The following L3MBTL4 variants were observed in gnomAD, a reference collection of about 807,000 sequenced individuals.
L3MBTL4 encodes the protein lethal(3)malignant brain tumor-like protein 4.
In L3MBTL4, 70 loss-of-function variants were observed where a neutral mutation model predicts 84.5. The ratio of observed to expected loss-of-function variants is 0.83; its 90% CI spans 0.68 to 1.01. The LOEUF (loss-of-function observed/expected upper bound fraction) is 1.01, where lower values mean the gene tolerates loss of function less well. Ranked by LOEUF, L3MBTL4 falls within the 50% of genes least tolerant of loss-of-function variation. The probability of loss-of-function intolerance (pLI) is 0.00; values close to 1 mark genes in which losing one functional copy is unlikely to be tolerated. For synonymous variants in L3MBTL4, 274 were observed against 259.8 expected, an observed-to-expected ratio of 1.05 and a Z score of -0.52; for missense variants, 715 against 754.8, an observed-to-expected ratio of 0.95 and a Z score of 0.62.
At chr18:5,956,640 C>T (rs1032724328) in intron 18 of L3MBTL4, among the ~76,000 whole-genome samples, 7 of 152,146 alleles carry the variant, frequency 4.6e-5, no homozygotes, top group Non-Finnish European at 7.4e-5. Flanking sequence ...TCAATATACA[C>T]GAACTGTTCC....
intron 1 of L3MBTL4, among the ~76,000 whole-genome samples, chr18:6,313,758 C>A (rs1454964073): frequency 6.6e-6 from 1 of 152,074 alleles, no homozygotes; most frequent in Non-Finnish European, 1.5e-5. Flanking sequence ...ATAATCCCTG[C>A]AATTATCTCA....
At chr18:6,104,726 G>C (rs1018726531) in intron 14 of L3MBTL4, among the ~76,000 whole-genome samples, 7 of 152,036 alleles carry the variant, frequency 4.6e-5, no homozygotes, top group Admixed American at 6.5e-5. Context: ...ATCTCATATT[G>C]TTTTTACCAC....
chr18:6,340,560 G>A (rs536415395), intron 1 of L3MBTL4, among the ~76,000 whole-genome samples: 1 of 152,176 alleles, frequency 6.6e-6, no homozygotes, highest in Non-Finnish European at 1.5e-5. Context: ...CATCATCTGG[G>A]GACAGCTGAG....
chr18:6,152,261 T>C (rs1186274011), intron 13 of L3MBTL4, among the ~76,000 whole-genome samples: 1 of 152,174 alleles, frequency 6.6e-6, no homozygotes, highest in Non-Finnish European at 1.5e-5. Flanking sequence ...GAGGGATTGC[T>C]GGATCTCATG....
At chr18:6,170,282 C>T (rs1156908319) in intron 13 of L3MBTL4, among the ~76,000 whole-genome samples, 1 of 152,056 alleles carries the variant, frequency 6.6e-6, no homozygotes, top group African/African-American at 2.4e-5. Context: ...AGACTACAGG[C>T]CACATTCTGA....
intron 1 of L3MBTL4, among the ~76,000 whole-genome samples, chr18:6,329,444 C>A (rs1456347530): frequency 6.6e-6 from 1 of 152,136 alleles, no homozygotes; most frequent in Non-Finnish European, 1.5e-5. Context: ...TGAGCCACCG[C>A]ACCCAGCCTT....
At chr18:6,350,183 C>A (rs767846974) in intron 1 of L3MBTL4, among the ~76,000 whole-genome samples, 1 of 152,094 alleles carries the variant, frequency 6.6e-6, no homozygotes, top group East Asian at 1.9e-4. Flanking sequence ...AAAACCCTCA[C>A]GGCATTGGAT....
At chr18:6,058,170 T>C (rs1489910516) in intron 16 of L3MBTL4, among the ~76,000 whole-genome samples, 1 of 152,236 alleles carries the variant, frequency 6.6e-6, no homozygotes, top group African/African-American at 2.4e-5. Flanking sequence ...TTGGCATTAC[T>C]ATTTATAAGT....
intron 4 of L3MBTL4, among the ~76,000 whole-genome samples, chr18:6,286,475 G>GTAA (rs201737991): frequency 2.7e-5 from 4 of 150,164 alleles, no homozygotes; most frequent in Admixed American, 6.6e-5. Context: ...AATAATAATA[G>GTAA]TAATAATAAT....
intron 1 of L3MBTL4, among the ~76,000 whole-genome samples, chr18:6,362,225 G>A (rs1427664944): frequency 7.3e-6 from 1 of 136,760 alleles, no homozygotes; most frequent in Non-Finnish European, 1.6e-5. Context: ...GGGAGGGGAG[G>A]GGAGGGGACT....
At chr18:6,079,176 A>G (rs1405827852) in intron 16 of L3MBTL4, among the ~76,000 whole-genome samples, 1 of 152,198 alleles carries the variant, frequency 6.6e-6, no homozygotes, top group Non-Finnish European at 1.5e-5. Context: ...CTCCGGACAT[A>G]CAAGGAAGAG....
intron 4 of L3MBTL4, among the ~76,000 whole-genome samples, chr18:6,291,506 A>C (rs2985136): frequency 0.066 from 10,115 of 152,272 alleles, 482 homozygotes; most frequent in Non-Finnish European, 0.1. Flanking sequence ...AGACACACAG[A>C]CTGATGGAAC....
intron 14 of L3MBTL4, among the ~76,000 whole-genome samples, chr18:6,130,757 A>G (rs2059852376): frequency 6.6e-6 from 1 of 152,108 alleles, no homozygotes; most frequent in Non-Finnish European, 1.5e-5. Context: ...TAGTCCCAAT[A>G]TTGTCATCTT....
intron 11 of L3MBTL4, among the ~76,000 whole-genome samples, chr18:6,213,790 A>G (rs2145805268): frequency 6.6e-6 from 1 of 152,340 alleles, no homozygotes; most frequent in East Asian, 1.9e-4. Context: ...GAGAAAAAAT[A>G]ATTTTTTGGC....
intron 12 of L3MBTL4, among the ~76,000 whole-genome samples, chr18:6,196,283 A>G (rs61271287): frequency 0.15 from 22,484 of 150,518 alleles, 3,197 homozygotes; most frequent in African/African-American, 0.37. Context: ...TCAGCCTCCC[A>G]AGTAGCTGGG....
At chr18:5,967,407 C>G (rs921253667) in intron 17 of L3MBTL4, among the ~76,000 whole-genome samples, 1 of 152,214 alleles carries the variant, frequency 6.6e-6, no homozygotes, top group Non-Finnish European at 1.5e-5. Context: ...CTGCACAGGG[C>G]GTGGTGCACG....
chr18:6,068,825 A>G (rs2057484637), intron 16 of L3MBTL4, among the ~76,000 whole-genome samples: 1 of 152,170 alleles, frequency 6.6e-6, no homozygotes, highest in Non-Finnish European at 1.5e-5. Context: ...TGTCTCTGCT[A>G]TAAGAAACGT....
intron 3 of L3MBTL4, among the ~76,000 whole-genome samples, chr18:6,304,122 A>G (rs2050474035): frequency 6.6e-6 from 1 of 152,172 alleles, no homozygotes; most frequent in East Asian, 1.9e-4. Flanking sequence ...ATGAAAGCAA[A>G]CTAGTTTTTA....
rs146308786 is a variant in L3MBTL4, at chr18:6,163,102, G to A, written c.1096+8726C>T. ...AAGACAATCATAACACCACTGCAACGGTCAATGACAGGCCCTCAAATGTTG... is the reference window on the plus strand; with the variant it reads ...AAGACAATCATAACACCACTGCAACAGTCAATGACAGGCCCTCAAATGTTG... On this transcript the variant is annotated intron_variant, in intron 13 of 18. Transcript: ENST00000317931. 6.4e-4 allele frequency among the ~76,000 whole-genome samples: 98 copies of A among 152,196 alleles called. 1 individual carries two copies. Among genetic ancestry groups the A allele is most frequent in the Non-Finnish European group, 5.4e-4 (37 of 68,000 alleles).
Sources: gnomAD v4.1 joint callset for allele counts (sites outside exome capture counted in the v4.1 genomes callset) on GRCh38, gnomAD v4.1.1 for gene constraint, MANE v1.5 for transcripts, NCBI Gene and HGNC (gene_info 2026-07-23, HGNC 2026-07-21) for gene names.